EXT1: variants seen among roughly 807,000 people sequenced by gnomAD.
The protein encoded by EXT1 is exostosin-1.
In EXT1, 20 loss-of-function variants were observed where a neutral mutation model predicts 82.5. The observed-to-expected ratio is 0.24, with a 90% CI of 0.17 to 0.35. EXT1 has a LOEUF of 0.35. EXT1 is among the 10% of genes least tolerant of loss of function. The pLI is 1.00. For missense variants in EXT1, 757 were observed against 936.5 expected, an observed-to-expected ratio of 0.81 and a Z score of 2.50; for synonymous variants, 348 against 350.8, an observed-to-expected ratio of 0.99 and a Z score of 0.09.
chr8:117,955,680 C>T (rs190866812), intron 1 of EXT1, among the ~76,000 whole-genome samples: 283 of 152,230 alleles, frequency 1.9e-3, no homozygotes, highest in African/African-American at 6.5e-3. Context: ...CTCAACCTCC[C>T]GAGTAGCTGG....
chr8:117,820,996 C>T lies in EXT1; in HGVS notation c.1418-1202G>A, dbSNP rs111964140. 7.2e-5 allele frequency among the ~76,000 whole-genome samples: 11 copies of T among 152,244 alleles called. No homozygotes were observed. In the East Asian group the frequency reaches 1.7e-3, roughly 24 times the overall value. On this transcript the variant is annotated intron_variant, in intron 5 of 10. Transcript: ENST00000378204. ...GAGACAGAAGTGAGATGGCTTCCCC[C>T]CAAGGAGTTTTCCCATAAGAACTCA...
intron 1 of EXT1, among the ~76,000 whole-genome samples, chr8:117,914,308 G>A (rs1428743070): frequency 1.3e-5 from 2 of 152,166 alleles, no homozygotes; most frequent in African/African-American, 2.4e-5. Context: ...ATCTTCGTAA[G>A]CTGAGGATGT....
At chr8:118,098,758 C>CAAA (rs3050886) in intron 1 of EXT1, among the ~76,000 whole-genome samples, 59 of 128,088 alleles carry the variant, frequency 4.6e-4, no homozygotes, top group South Asian at 1.8e-3. Flanking sequence ...GACTCTGTCT[C>CAAA]AAAAAAAAAA....
chr8:118,061,725 A>C (rs371944539), intron 1 of EXT1, among the ~76,000 whole-genome samples: 1 of 152,172 alleles, frequency 6.6e-6, no homozygotes, highest in Non-Finnish European at 1.5e-5. Context: ...CAAAATATGA[A>C]TATGTTTAGT....
intron 1 of EXT1, among the ~76,000 whole-genome samples, chr8:117,964,186 A>T (rs927985083): frequency 2.6e-5 from 4 of 152,200 alleles, no homozygotes; most frequent in Non-Finnish European, 5.9e-5. Flanking sequence ...AACAATGTAA[A>T]GCTTCAGTCT....
intron 1 of EXT1, among the ~76,000 whole-genome samples, chr8:118,105,790 A>T (rs1817794669): frequency 1.3e-5 from 2 of 152,210 alleles, no homozygotes; most frequent in Non-Finnish European, 2.9e-5. Flanking sequence ...GAAGGAAAAC[A>T]TTCATCTAAG....
chr8:117,923,553 T>TA (rs35980846), intron 1 of EXT1, among the ~76,000 whole-genome samples: 1,728 of 137,152 alleles, frequency 0.013, 31 homozygotes, highest in African/African-American at 0.037. Flanking sequence ...CCATCTCTAC[T>TA]AAAAAAAAAA....
intron 1 of EXT1, among the ~76,000 whole-genome samples, chr8:118,102,179 A>T (rs1817731049): frequency 6.6e-6 from 1 of 152,094 alleles, no homozygotes; most frequent in Non-Finnish European, 1.5e-5. Flanking sequence ...AAGCAGCAGA[A>T]TCCCTTGAAC....
chr8:118,086,224 C>T (rs1394847675), intron 1 of EXT1, among the ~76,000 whole-genome samples: 1 of 152,188 alleles, frequency 6.6e-6, no homozygotes, highest in Non-Finnish European at 1.5e-5. Flanking sequence ...TATTTATTGA[C>T]TGCCTAAAAT....
Position 117,830,220 on chromosome 8 carries a change from T to C in EXT1, c.1284+10A>G, listed in dbSNP as rs1812075450. On this transcript the variant is annotated intron_variant, in intron 4 of 10. Transcript: ENST00000378204. ...TTATTCAAGCCCAAGAGCCAAGTGG[T>C]CTCACTTACCTCTAGTGTAGTTAAT... The C allele has an allele frequency of 6.2e-7, 1 of 1,613,792 alleles. No homozygotes were observed. The highest frequency in any genetic ancestry group is 1.3e-5 in the African/African-American group (1 of 74,934).
At chr8:117,834,422 T>G (rs970001364) in intron 3 of EXT1, among the ~76,000 whole-genome samples, 1 of 152,044 alleles carries the variant, frequency 6.6e-6, no homozygotes, top group Non-Finnish European at 1.5e-5. Context: ...ATGACCAACA[T>G]GGTGAAATCC....
chr8:118,072,410 C>T (rs902896158), intron 1 of EXT1, among the ~76,000 whole-genome samples: 5 of 152,208 alleles, frequency 3.3e-5, no homozygotes, highest in Admixed American at 6.5e-5. Flanking sequence ...ATCTGCTCTA[C>T]ATAATTTAGC....
intron 1 of EXT1, among the ~76,000 whole-genome samples, chr8:117,924,918 T>C (rs1259339755): frequency 6.6e-6 from 1 of 152,230 alleles, no homozygotes. Flanking sequence ...CCCTGTAGAA[T>C]GCCCCAAACC....
chr8:117,896,793 T>C (rs1813346561), intron 1 of EXT1, among the ~76,000 whole-genome samples: 1 of 152,206 alleles, frequency 6.6e-6, no homozygotes, highest in Non-Finnish European at 1.5e-5. Context: ...CAAAGTCTTC[T>C]TAATTACATT....
intron 1 of EXT1, among the ~76,000 whole-genome samples, chr8:118,052,710 T>C (rs781731854): frequency 6.6e-5 from 10 of 152,252 alleles, no homozygotes; most frequent in Non-Finnish European, 1.3e-4. Context: ...TTTCCAGTGA[T>C]GTTCCAAAGC....
intron 1 of EXT1, among the ~76,000 whole-genome samples, chr8:117,901,940 C>T (rs953807894): frequency 6.6e-6 from 1 of 152,094 alleles, no homozygotes; most frequent in African/African-American, 2.4e-5. Flanking sequence ...TCAAGCAATC[C>T]ACCTGCTTTG....
chr8:117,798,509 T>C lies in EXT1; in HGVS notation c.*1203A>G, dbSNP rs1400038882. 2 of 152,206 alleles carry C rather than the reference T, an allele frequency of 1.3e-5. No individual in the cohort carries two copies. The highest frequency in any genetic ancestry group is 2.9e-5 in the Non-Finnish European group (2 of 68,042). 9.4% of individuals were successfully genotyped at this position (152,206 alleles called of 1,614,324 possible). On this transcript the variant is annotated 3_prime_UTR_variant, in exon 11 of 11. Coordinates refer to ENST00000378204, the MANE Select transcript of EXT1 (RefSeq NM_000127.3). ...TTTTAACAAGAAGCACAACTAAACT[T>C]TTCCACAGATTTAAAAATTAAAAGT...
At chr8:117,824,934 A>G (rs1811986260) in intron 4 of EXT1, among the ~76,000 whole-genome samples, 2 of 152,014 alleles carry the variant, frequency 1.3e-5, no homozygotes, top group Admixed American at 6.6e-5. Context: ...TGGTGTGGTC[A>G]TGGCTCTGTG....
chr8:117,998,408 C>T (rs1339792671), intron 1 of EXT1, among the ~76,000 whole-genome samples: 1 of 152,124 alleles, frequency 6.6e-6, no homozygotes, highest in Non-Finnish European at 1.5e-5. Flanking sequence ...TTCCTGGGCT[C>T]AAGCGACTTT....
Sources: gnomAD v4.1 joint callset for allele counts (sites outside exome capture counted in the v4.1 genomes callset) on GRCh38, gnomAD v4.1.1 for gene constraint, MANE v1.5 for transcripts, NCBI Gene and HGNC (gene_info 2026-07-23, HGNC 2026-07-21) for gene names.